Variants in CHFR observed in about 807,000 individuals in gnomAD.
The protein encoded by CHFR is E3 ubiquitin-protein ligase CHFR.
Under a neutral mutation model 87.6 loss-of-function variants are expected in CHFR, and 57 were observed. The ratio of observed to expected loss-of-function variants is 0.65; its 90% confidence interval spans 0.53 to 0.81. The LOEUF is 0.81. Ranked by LOEUF, CHFR falls within the 30% of genes least tolerant of loss-of-function variation. CHFR has a pLI of 0.00. For synonymous variants in CHFR, 381 were observed against 359.2 expected, an observed-to-expected ratio of 1.06 and a Z score of -0.69; for missense variants, 797 against 865.8, an observed-to-expected ratio of 0.92 and a Z score of 1.00.
At chr12:132,862,179 G>A (rs1317477342) in intron 6 of CHFR, among the ~76,000 whole-genome samples, 1 of 152,170 alleles carries the variant, frequency 6.6e-6, no homozygotes, top group Non-Finnish European at 1.5e-5. Context: ...AGAGGCTGAG[G>A]CAGAAAAATT....
rs139274813 is a variant in CHFR at position 132,843,249 on chromosome 12, AAC to A, written c.1844-168_1844-167del. 3.8e-3 allele frequency among the ~76,000 whole-genome samples: 573 copies of A among 152,252 alleles called. 4 individuals are homozygous for A. Among genetic ancestry groups the A allele is most frequent in the African/African-American group, 0.012 (491 of 41,562 alleles). The stretch of plus-strand genomic sequence containing the variant: ...ACCGTTCTGAGATTTCAGGAAAGGA[AAC>A]ACATGTTTAACTAAAAACCCAACTG... On this transcript the variant is annotated intron_variant, in intron 16 of 17. Transcript: ENST00000450056.
intron 12 of CHFR, 149 bp downstream of exon 12, chr12:132,851,469 T>C (rs1429396426): frequency 2.3e-6 from 2 of 886,118 alleles, no homozygotes; most frequent in Non-Finnish European, 3.3e-6. Flanking sequence ...TTATTCAATA[T>C]GGTGACGTGG....
chr12:132,857,661 C>T (rs1951113270), intron 8 of CHFR, 102 bp from the exon 9 acceptor site: 2 of 1,158,202 alleles, frequency 1.7e-6, no homozygotes, highest in African/African-American at 3.1e-5. Context: ...CCTACAGGGG[C>T]CCAGCCATCG....
Position 132,851,606 on chromosome 12 carries a change from G to T in CHFR, c.1492+12C>A. 1 of 1,603,612 alleles carries T rather than the reference G, an allele frequency of 6.2e-7. No homozygotes were observed. Among genetic ancestry groups the T allele is most frequent in the African/African-American group, 1.3e-5 (1 of 74,880 alleles). ...TAGGAACCCGCCTGCGTGCGGTGGC[G>T]CGGGCACTCACACTGCTGAGGGGCG... On this transcript the variant is annotated intron_variant, in intron 12 of 17. Transcript: ENST00000450056.
intron 15 of CHFR, among the ~76,000 whole-genome samples, chr12:132,845,126 T>C (rs1950790074): frequency 6.6e-6 from 1 of 152,104 alleles, no homozygotes; most frequent in African/African-American, 2.4e-5. Flanking sequence ...GTGGAAACAT[T>C]TGCAACACAA....
chr12:132,848,363 TC>T, intron 13 of CHFR: 1 of 942,278 alleles, frequency 1.1e-6, no homozygotes, highest in Non-Finnish European at 1.6e-6. Context: ...TCTCCGAGTC[TC>T]CCCAGCACCT....
intron 12 of CHFR, 44 bp from the exon 13 acceptor site, chr12:132,848,768 C>T (rs1215568808): frequency 6.5e-6 from 9 of 1,394,724 alleles, no homozygotes; most frequent in East Asian, 2.5e-5. Flanking sequence ...GCGCTGAGGG[C>T]TGTCTCCAAC....
chr12:132,879,232 T>C (rs994393741), intron 2 of CHFR, among the ~76,000 whole-genome samples: 15 of 152,108 alleles, frequency 9.9e-5, no homozygotes, highest in African/African-American at 3.6e-4. Context: ...CCTGACCTCT[T>C]GATCCACCCG....
intron 2 of CHFR, among the ~76,000 whole-genome samples, chr12:132,879,013 T>G (rs1951703102): frequency 1.3e-5 from 2 of 148,404 alleles, no homozygotes; most frequent in African/African-American, 2.5e-5. Flanking sequence ...TTGTTTGTTT[T>G]TTTTTTTTTG....
rs1445202276 is a variant in CHFR, at chr12:132,851,598, G to A, written c.1492+20C>T. On this transcript the variant is annotated intron_variant, in intron 12 of 17. Coordinates refer to ENST00000450056, the MANE Select transcript of CHFR (RefSeq NM_001161346.2). ...AGGACAGATAGGAACCCGCCTGCGT[G>A]CGGTGGCGCGGGCACTCACACTGCT... 1 of 1,597,378 alleles carries A rather than the reference G, an allele frequency of 6.3e-7. No individual in the cohort carries two copies. Among genetic ancestry groups the A allele is most frequent in the East Asian group, 2.3e-5 (1 of 44,412 alleles).
rs567430632 is a variant in CHFR at position 132,841,444 on chromosome 12, G to A, written c.*110C>T. 8.8e-5 allele frequency: 84 copies of A among 952,406 alleles called. No individual in the cohort carries two copies. The highest frequency in any genetic ancestry group is 1.3e-4 in the Non-Finnish European group (75 of 582,086). The allele number at this position is 952,406 out of a possible 1,614,324, so 59.0% of individuals were successfully genotyped here. A position where few individuals can be genotyped will look rare whatever the true frequency, so the allele number is the denominator to read the frequency against. The stretch of plus-strand genomic sequence containing the variant: ...CCAGAGCACCTGTCGGAGACCCTGC[G>A]TCCCTTCCCTCAGGGGGCTGTGAAA... On this transcript the variant is annotated 3_prime_UTR_variant, in exon 18 of 18. Transcript: ENST00000450056.
chr12:132,853,607 G>A, intron 10 of CHFR, 34 bp from the exon 11 acceptor site: 3 of 1,493,940 alleles, frequency 2.0e-6, no homozygotes, highest in African/African-American at 1.4e-5. Flanking sequence ...CTGTGTGCAG[G>A]CCCCAAGCCT....
At chr12:132,878,097 C>T (rs192590649) in intron 2 of CHFR, among the ~76,000 whole-genome samples, 1,545 of 152,232 alleles carry the variant, frequency 0.01, 16 homozygotes, top group African/African-American at 0.034. Flanking sequence ...CCACCGCGCC[C>T]GGCCCATCCT....
chr12:132,860,012 T>C (rs1951179355), intron 7 of CHFR, among the ~76,000 whole-genome samples: 1 of 152,154 alleles, frequency 6.6e-6, no homozygotes, highest in Admixed American at 6.6e-5. Flanking sequence ...ACCACGGCGC[T>C]CTGGCCTAGG....
chr12:132,843,182 G>C, intron 16 of CHFR, 99 bp from the exon 17 acceptor site: 1 of 1,018,812 alleles, frequency 9.8e-7, no homozygotes, highest in Non-Finnish European at 1.5e-6. Context: ...CGCTGCGGTG[G>C]AAACGCACGG....
intron 2 of CHFR, among the ~76,000 whole-genome samples, chr12:132,878,629 C>A (rs1303621499): frequency 1.3e-5 from 2 of 151,780 alleles, no homozygotes; most frequent in African/African-American, 2.4e-5. Context: ...ACCATCCTGG[C>A]TAACACAGTG....
In CHFR at chr12:132,861,465, ACCT is replaced by A. The variant is rs772931516; in HGVS notation, c.750_751+1del. 3.7e-6 allele frequency: 6 copies of A among 1,613,560 alleles called. No individual in the cohort carries two copies. Among genetic ancestry groups the A allele is most frequent in the African/African-American group, 2.7e-5 (2 of 74,850 alleles). ...TGAGGACACACACAACCAGACACTA[ACCT>A]CCTCTCATTTTCTTCTTCACGGGCT... On this transcript the variant is annotated splice_donor_variant and coding_sequence_variant, in exon 7 of 18. Transcript: ENST00000450056. LOFTEE classifies it high-confidence loss of function.
intron 2 of CHFR, among the ~76,000 whole-genome samples, chr12:132,880,561 G>A (rs772109721): frequency 6.6e-6 from 1 of 152,112 alleles, no homozygotes; most frequent in Non-Finnish European, 1.5e-5. Context: ...AGGAGGCTGA[G>A]GCAGAAGAAT....
At chr12:132,853,316 G>A in intron 11 of CHFR, 115 bp downstream of exon 11, 3 of 1,153,158 alleles carry the variant, frequency 2.6e-6, no homozygotes, top group South Asian at 1.9e-5. Flanking sequence ...GGGCCCAAAG[G>A]GGGCGAGCAG....
Sources: gnomAD v4.1 joint callset for allele counts (sites outside exome capture counted in the v4.1 genomes callset) on GRCh38, gnomAD v4.1.1 for gene constraint, MANE v1.5 for transcripts, NCBI Gene and HGNC (gene_info 2026-07-23, HGNC 2026-07-21) for gene names.